Variants in RICTOR observed in about 807,000 individuals in gnomAD.
RICTOR encodes the protein RPTOR independent companion of MTOR complex 2.
In RICTOR, 49 loss-of-function variants were observed where a neutral mutation model predicts 214.9. The ratio of observed to expected loss-of-function variants is 0.23; its 90% CI spans 0.18 to 0.29. RICTOR has a LOEUF of 0.29. Among genes scored for constraint, RICTOR ranks in the 10% least tolerant of loss-of-function variants. The pLI is 1.00. For missense variants in RICTOR, 1,625 were observed against 2,047.0 expected (o/e 0.79, Z 3.98); for synonymous variants, 717 against 711.3 (o/e 1.01, Z -0.13).
At chr5:39,001,601 C>CAA (rs1753623201) in intron 5 of RICTOR, among the ~76,000 whole-genome samples, 1 of 151,998 alleles carries the variant, frequency 6.6e-6, no homozygotes, top group South Asian at 2.1e-4. Flanking sequence ...AGAGGCAAGG[C>CAA]AAAGGCAAGG....
intron 2 of RICTOR, among the ~76,000 whole-genome samples, chr5:39,039,672 T>C (rs965033523): frequency 1.2e-4 from 18 of 152,242 alleles, no homozygotes; most frequent in African/African-American, 4.1e-4. Context: ...GAACAGACAC[T>C]TCTCAAAAGA....
At chr5:39,016,483 G>C (rs571492886) in intron 3 of RICTOR, among the ~76,000 whole-genome samples, 2 of 152,118 alleles carry the variant, frequency 1.3e-5, no homozygotes, top group South Asian at 2.1e-4. Flanking sequence ...CACAAATCAA[G>C]AAAGAGAGAG....
chr5:38,945,432 T>C, intron 34 of RICTOR, 59 bp downstream of exon 34: 1 of 1,193,170 alleles, frequency 8.4e-7, no homozygotes, highest in Non-Finnish European at 1.2e-6. Context: ...TTTGGAAAAG[T>C]AAACCAGAGA....
At chr5:39,024,951 TA>T in intron 2 of RICTOR, among the ~76,000 whole-genome samples, 1 of 152,108 alleles carries the variant, frequency 6.6e-6, no homozygotes. Flanking sequence ...AATATAGCAA[TA>T]AACAAGACAA....
At chr5:39,030,605 G>A (rs6878291) in intron 2 of RICTOR, among the ~76,000 whole-genome samples, 67,263 of 151,926 alleles carry the variant, frequency 0.44, 14,973 homozygotes, top group East Asian at 0.61. Flanking sequence ...CAGGTGAACA[G>A]TTATATAACA....
rs201384226 is a variant in RICTOR at position 38,950,459 on chromosome 5, C to T, written c.3389G>A (p.Arg1130Gln). ...LSSESKTSNR[R>Q]IRTLTEPSVD... ...ACTGGGCTCCGTAAGTGTTCTGATTCGCCTGTTGCTTGTCTTACTTTCAGA... is the reference window on the plus strand; with the variant it reads ...ACTGGGCTCCGTAAGTGTTCTGATTTGCCTGTTGCTTGTCTTACTTTCAGA... The change falls in exon 31 of 38, where the codon CGA becomes CAA. Residue 1130 changes from arginine (R) to glutamine (Q), a missense_variant. Transcript: ENST00000357387. 50 of 1,613,380 alleles carry T rather than the reference C, an allele frequency of 3.1e-5. No individual in the cohort carries two copies. The highest frequency in any genetic ancestry group is 4.0e-5 in the Non-Finnish European group (47 of 1,179,648).
intron 4 of RICTOR, among the ~76,000 whole-genome samples, chr5:39,002,924 ACTTTATTTTATATAAACAATGGAAACAGC>A (rs1427599291): frequency 6.6e-6 from 1 of 152,030 alleles, no homozygotes. Flanking sequence ...TACCTTCTGT[ACTTTATTTTATATAAACAATGGAAACAGC>A]CTTTGTTTTA....
intron 36 of RICTOR, 185 bp from the exon 37 acceptor site, chr5:38,943,156 GGGT>G: frequency 2.7e-6 from 1 of 364,622 alleles, no homozygotes; most frequent in Non-Finnish European, 4.7e-6. Context: ...TTCTGAGTTT[GGGT>G]TTTTTTTTAA....
chr5:38,952,789 A>C (rs1433316395), intron 29 of RICTOR, among the ~76,000 whole-genome samples, 196 bp downstream of exon 29: 2 of 151,984 alleles, frequency 1.3e-5, no homozygotes, highest in African/African-American at 4.8e-5. Flanking sequence ...CTTCAATATA[A>C]TAAAAATCAA....
intron 6 of RICTOR, among the ~76,000 whole-genome samples, chr5:38,995,110 A>G (rs1753082919): frequency 6.6e-6 from 1 of 152,250 alleles, no homozygotes; most frequent in Non-Finnish European, 1.5e-5. Flanking sequence ...CAAAACTCTA[A>G]AACAATAGCC....
At position 38,960,410 on chromosome 5, in the gene RICTOR, A is replaced by G. The variant is rs1172394266; in HGVS notation, c.1839T>C (p.Leu613=). 1 of 1,613,544 alleles carries G rather than the reference A, an allele frequency of 6.2e-7. No individual in the cohort carries two copies. The highest frequency in any genetic ancestry group is 1.7e-5 in the Admixed American group (1 of 59,920). Residue 613 remains leucine, a synonymous_variant, in exon 20 of 38, where the codon CTT becomes CTC. Transcript: ENST00000357387. ...TCAGAATGCCCACCTCTTCAGATTC[A>G]AGAAGAAATTCTGTAAACTGGCAAC... ...VVGCQFTEFL[L]ESEEDGQGYL... is the part of the protein sequence containing the mutation.
chr5:39,049,885 C>A, intron 2 of RICTOR, among the ~76,000 whole-genome samples: 1 of 151,882 alleles, frequency 6.6e-6, no homozygotes, highest in African/African-American at 2.4e-5. Flanking sequence ...AGTTTAACAA[C>A]CAAGAAAGAT....
Position 38,949,758 on chromosome 5 carries a change from T to C in RICTOR, c.4090A>G (p.Ile1364Val). Reference protein sequence around the residue: ...PAKDVLFTDTITMKANSFESR... With the variant: ...PAKDVLFTDTVTMKANSFESR... ...TCAAAACTGTTGGCCTTCATGGTGA[T>C]GGTATCAGTAAATAGCACATCTTTT... Residue 1364 changes from isoleucine to valine, a missense_variant, in exon 31 of 38, where the codon ATC (isoleucine) becomes GTC (valine). Ile to Val is a conservative substitution (Grantham distance 29, BLOSUM62 3). Transcript: ENST00000357387. 1 of 1,613,386 alleles carries C rather than the reference T, an allele frequency of 6.2e-7. No homozygotes were observed. The highest frequency in any genetic ancestry group is 8.5e-7 in the Non-Finnish European group (1 of 1,179,506).
intron 5 of RICTOR, among the ~76,000 whole-genome samples, chr5:38,998,753 G>A (rs1020833338): frequency 2.0e-4 from 30 of 151,972 alleles, no homozygotes; most frequent in African/African-American, 4.3e-4. Context: ...GGTGGCTCAC[G>A]CCTGTAATCC....
intron 2 of RICTOR, among the ~76,000 whole-genome samples, chr5:39,038,640 A>G (rs1276146279): frequency 1.3e-5 from 2 of 152,236 alleles, no homozygotes; most frequent in African/African-American, 4.8e-5. Context: ...TACAAAATCA[A>G]TGTGCAAAAA....
intron 10 of RICTOR, among the ~76,000 whole-genome samples, chr5:38,972,705 C>T (rs1249746165): frequency 6.6e-6 from 1 of 151,988 alleles, no homozygotes; most frequent in East Asian, 1.9e-4. Context: ...GGCAGTTTCT[C>T]ATGGACACAA....
chr5:39,041,810 A>G lies in RICTOR; in HGVS notation c.98-20674T>C, dbSNP rs183915581. On this transcript the variant is annotated intron_variant, in intron 2 of 37. Transcript: ENST00000357387. ...ATTTGTTCCTACATCAAAAACACTT[A>G]TATTAGTCAGGCATGGCTACTCCAG... Among the ~76,000 whole-genome samples, 58 of 152,124 alleles carry G rather than the reference A, an allele frequency of 3.8e-4. 2 individuals are homozygous for G. In the East Asian group the frequency reaches 0.01, roughly 27 times the overall value.
chr5:38,994,209 A>G (rs1752996218), intron 6 of RICTOR, among the ~76,000 whole-genome samples: 2 of 151,604 alleles, frequency 1.3e-5, no homozygotes, highest in South Asian at 4.2e-4. Flanking sequence ...TATATATATT[A>G]TACAAAATTA....
intron 9 of RICTOR, among the ~76,000 whole-genome samples, chr5:38,978,125 C>T (rs1172643624): frequency 6.6e-6 from 1 of 151,242 alleles, no homozygotes; most frequent in Non-Finnish European, 1.5e-5. Context: ...TCTCCAAAAA[C>T]ACCCTGAAAA....
Sources: allele counts gnomAD v4.1 joint callset (sites outside exome capture counted in the v4.1 genomes callset), GRCh38; gene constraint gnomAD v4.1.1; transcripts MANE v1.5; gene names NCBI Gene and HGNC (gene_info 2026-07-23, HGNC 2026-07-21).